NSD3: variants seen among roughly 807,000 people sequenced by gnomAD.
NSD3 encodes the protein histone-lysine N-methyltransferase NSD3.
NSD3 carries 24 observed loss-of-function variants against 160.8 expected under a neutral mutation model. That is an observed-to-expected ratio of 0.15 (90% CI 0.11 to 0.21). The LOEUF (loss-of-function observed/expected upper bound fraction) is 0.21, where lower values mean the gene tolerates loss of function less well. Ranked by LOEUF, NSD3 falls within the 10% of genes least tolerant of loss-of-function variation. NSD3 has a pLI of 1.00. For missense variants in NSD3, 1,157 were observed against 1,735.9 expected (o/e 0.67, Z 5.93); for synonymous variants, 520 against 600.0 (o/e 0.87, Z 1.95).
chr8:38,288,787 G>A lies in NSD3; in HGVS notation c.3232-31C>T. On this transcript the variant is annotated intron_variant, in intron 18 of 23. Coordinates refer to ENST00000317025, the MANE Select transcript of NSD3 (RefSeq NM_023034.2). This position sits in a 1 kb window ranked among gnomAD's most constrained non-coding sequence, Gnocchi z 4.5. Reference sequence around the variant, plus strand: ...AAACAAAATCGCAAGCGAGAGAGAGGCAGCAGGTAAGTCATCTGGCAATGT... The same window carrying A: ...AAACAAAATCGCAAGCGAGAGAGAGACAGCAGGTAAGTCATCTGGCAATGT... The A allele has an allele frequency of 6.2e-7, 1 of 1,603,696 alleles. No homozygotes were observed. Among genetic ancestry groups the A allele is most frequent in the Admixed American group, 1.7e-5 (1 of 59,750 alleles).
At chr8:38,356,974 C>G (rs560393922) in intron 1 of NSD3, among the ~76,000 whole-genome samples, 1 of 151,664 alleles carries the variant, frequency 6.6e-6, no homozygotes, top group South Asian at 2.1e-4. Context: ...CAAAAATTAG[C>G]CAGGCATGGT....
chr8:38,276,573 C>A, intron 22 of NSD3, 73 bp from the exon 23 acceptor site: 1 of 1,510,840 alleles, frequency 6.6e-7, no homozygotes, highest in South Asian at 1.2e-5. Flanking sequence ...GAAAACCCTG[C>A]AACCTTGCAT....
chr8:38,334,551 G>A (rs1317495372), intron 4 of NSD3, among the ~76,000 whole-genome samples: 2 of 151,928 alleles, frequency 1.3e-5, no homozygotes, highest in African/African-American at 4.8e-5. Flanking sequence ...TCAGGAGTTT[G>A]AGACCAGCCT....
chr8:38,303,049 AATAGTT>A (rs1261414288), intron 14 of NSD3, among the ~76,000 whole-genome samples: 1 of 152,164 alleles, frequency 6.6e-6, no homozygotes, highest in Non-Finnish European at 1.5e-5. Flanking sequence ...AAGCCAACAT[AATAGTT>A]ATAAACTTGA....
intron 19 of NSD3, among the ~76,000 whole-genome samples, chr8:38,282,086 C>T (rs780026598): frequency 1.3e-5 from 2 of 152,168 alleles, no homozygotes; most frequent in Non-Finnish European, 2.9e-5. Flanking sequence ...TAACATCTGA[C>T]ATAACTACAG....
chr8:38,301,085 T>A (rs905917859), intron 14 of NSD3, among the ~76,000 whole-genome samples: 2 of 152,120 alleles, frequency 1.3e-5, no homozygotes, highest in African/African-American at 2.4e-5. Flanking sequence ...TCCTACCACC[T>A]CAACCTCCCG....
In NSD3 at chr8:38,288,134, A is replaced by G. The variant is rs1808910209; in HGVS notation, c.3501+353T>C. Among the ~76,000 whole-genome samples the G allele has an allele frequency of 6.6e-6, 1 of 152,046 alleles. No individual in the cohort carries two copies. The highest frequency in any genetic ancestry group is 1.5e-5 in the Non-Finnish European group (1 of 68,020). ...GAGTTCAAGGCTTGAGTGAGCTATG[A>G]ACACGCCACTGTATTCCAGCATGGG... On this transcript the variant is annotated intron_variant, in intron 19 of 23. Coordinates refer to ENST00000317025, the MANE Select transcript of NSD3 (RefSeq NM_023034.2). This position sits in a 1 kb window ranked among gnomAD's most constrained non-coding sequence, Gnocchi z 4.5.
intron 21 of NSD3, 103 bp from the exon 22 acceptor site, chr8:38,278,515 T>C (rs1808665271): frequency 1.1e-5 from 11 of 995,524 alleles, no homozygotes; most frequent in Admixed American, 2.8e-5. Flanking sequence ...CATTTTGGCA[T>C]GAAGGCGTTT....
At position 38,357,926 on chromosome 8, in the gene NSD3, T is replaced by G. The variant is rs567829359; in HGVS notation, c.-44-9711A>C. On this transcript the variant is annotated intron_variant, in intron 1 of 23. Coordinates refer to ENST00000317025, the MANE Select transcript of NSD3 (RefSeq NM_023034.2). ...TCCTTGGTAAAATGAGACTAACAAC[T>G]TAGCTCACTTAGATGTCACTGAGAT... Among the ~76,000 whole-genome samples the G allele has an allele frequency of 3.3e-5, 5 of 152,262 alleles. No homozygotes were observed. In the East Asian group the frequency reaches 5.8e-4, roughly 18 times the overall value.
At chr8:38,320,107 C>T (rs933452381) in intron 8 of NSD3, 17 of 152,022 alleles carry the variant, frequency 1.1e-4, no homozygotes, top group Admixed American at 9.8e-4. Context: ...AAATGAATGA[C>T]AAATTAGTAT....
chr8:38,325,200 C>G (rs1277898910), intron 7 of NSD3, among the ~76,000 whole-genome samples: 1 of 152,124 alleles, frequency 6.6e-6, no homozygotes, highest in Non-Finnish European at 1.5e-5. Flanking sequence ...GAGCGCTTAA[C>G]CTGAGGGATT....
At position 38,295,821 on chromosome 8, in the gene NSD3, C is replaced by G. The variant is rs1433536498; in HGVS notation, c.2890G>C (p.Val964Leu). ...CTGTAATTTCCCAATTTGACCCAAA[C>G]AATCTGCTTGTAATGTAGTTTCTTG... ...AGKKLHYKQI[V>L]WVKLGNYRWW... is the part of the protein sequence containing the mutation. The change falls in exon 16 of 24, where the codon GTT becomes CTT. Residue 964 changes from valine (V) to leucine (L), a missense_variant. By Grantham distance (32) the Val-to-Leu change is conservative. Coordinates refer to ENST00000317025, the MANE Select transcript of NSD3 (RefSeq NM_023034.2). The G allele has an allele frequency of 6.2e-7, 1 of 1,612,522 alleles. No individual in the cohort carries two copies. The highest frequency in any genetic ancestry group is 1.7e-5 in the Admixed American group (1 of 59,540).
At chr8:38,320,741 G>T in intron 8 of NSD3, 1 of 174,452 alleles carries the variant, frequency 5.7e-6, no homozygotes, top group Non-Finnish European at 1.2e-5. Context: ...AAAAAAAAAG[G>T]AACTCAATGA....
In NSD3 at chr8:38,318,093, C is replaced by T. The variant is rs573874936; in HGVS notation, c.1855+802G>A. 2 of 1,603,680 alleles carry T rather than the reference C, an allele frequency of 1.2e-6. No individual in the cohort carries two copies. The highest frequency in any genetic ancestry group is 2.2e-5 in the East Asian group (1 of 44,720). ...AGGCCTCCTAATCTCGCAGCGATCG[C>T]GATGTCTTTTCTTGGAGCTCCGCCA... is the stretch of plus-strand genomic sequence containing the variant. On this transcript the variant is annotated intron_variant, in intron 9 of 23. Coordinates refer to ENST00000317025, the MANE Select transcript of NSD3 (RefSeq NM_023034.2). The surrounding 1 kb of genome is among the most constrained non-coding windows in gnomAD (Gnocchi z 5.3).
intron 23 of NSD3, 51 bp downstream of exon 23, chr8:38,276,245 A>G (rs764861744): frequency 1.3e-6 from 2 of 1,577,288 alleles, no homozygotes; most frequent in Non-Finnish European, 1.7e-6. Context: ...TGAGTTACAC[A>G]TAGTTGGCAA....
intron 12 of NSD3, among the ~76,000 whole-genome samples, chr8:38,313,604 T>C (rs1388018511): frequency 6.6e-6 from 1 of 151,844 alleles, no homozygotes; most frequent in Non-Finnish European, 1.5e-5. Flanking sequence ...CTGGCTAACA[T>C]GGTGAAACCT....
At chr8:38,344,543 G>A (rs912876552) in intron 2 of NSD3, among the ~76,000 whole-genome samples, 1 of 152,100 alleles carries the variant, frequency 6.6e-6, no homozygotes, top group Non-Finnish European at 1.5e-5. Flanking sequence ...CAAAGGGCTG[G>A]TATTACAGAT....
intron 17 of NSD3, 144 bp from the exon 18 acceptor site, chr8:38,289,649 A>C: frequency 1.4e-6 from 1 of 715,514 alleles, no homozygotes; most frequent in South Asian, 1.9e-5. Context: ...GTTACTGTTT[A>C]CCACCAGGAT....
chr8:38,368,751 G>A (rs1786480854), intron 1 of NSD3, among the ~76,000 whole-genome samples: 1 of 152,086 alleles, frequency 6.6e-6, no homozygotes, highest in South Asian at 2.1e-4. Flanking sequence ...AACAGACATG[G>A]TATTACCACT....
Sources: gnomAD v4.1 joint callset for allele counts (sites outside exome capture counted in the v4.1 genomes callset) on GRCh38, gnomAD v4.1.1 for gene constraint, Gnocchi (gnomAD v3.1) non-coding constraint, MANE v1.5 for transcripts, NCBI Gene and HGNC (gene_info 2026-07-23, HGNC 2026-07-21) for gene names.